SMIM41: variants seen among roughly 807,000 people sequenced by gnomAD.
SMIM41 encodes small integral membrane protein 41.
chr12:52,090,435 T>C (rs1345522575), intron 2 of SMIM41, among the ~76,000 whole-genome samples: 1 of 34,278 alleles, frequency 2.9e-5, no homozygotes, highest in South Asian at 1.1e-3. Context: ...ATAGAGAGAG[T>C]GGGGAGGGGG....
At chr12:52,094,197 ATTT>A (rs562390454) in intron 2 of SMIM41, among the ~76,000 whole-genome samples, 1 of 131,668 alleles carries the variant, frequency 7.6e-6, no homozygotes, top group Non-Finnish European at 1.6e-5. Context: ...GAAGTTTTTG[ATTT>A]TTTTTTTTTT....
chr12:52,087,209 G>A (rs996175595), intron 2 of SMIM41, among the ~76,000 whole-genome samples: 7 of 152,264 alleles, frequency 4.6e-5, no homozygotes, highest in African/African-American at 1.7e-4. Context: ...CCTCCACCCC[G>A]GTGCTGAGCC....
At position 52,107,714 on chromosome 12, in the gene SMIM41, G is replaced by A; in HGVS notation, c.*531G>A. On this transcript the variant is annotated 3_prime_UTR_variant, in exon 3 of 3. Transcript: ENST00000546390. Reference sequence around the variant, plus strand: ...GCCTATGACCGGTTTGTAGCCATCTGTCACCCTCTATATCATTCAGCCATC... The same window carrying A: ...GCCTATGACCGGTTTGTAGCCATCTATCACCCTCTATATCATTCAGCCATC... 1.2e-5 allele frequency: 6 copies of A among 481,824 alleles called. No homozygotes were observed. The Admixed American group carries it at 1.4e-4, about 11-fold the overall frequency. The allele number at this position is 481,824 out of a possible 1,614,324, so 29.8% of individuals were successfully genotyped here. A position where few individuals can be genotyped will look rare whatever the true frequency, so the allele number is the denominator to read the frequency against.
intron 2 of SMIM41, among the ~76,000 whole-genome samples, chr12:52,099,469 T>G (rs914954822): frequency 6.6e-6 from 1 of 151,858 alleles, no homozygotes; most frequent in African/African-American, 2.4e-5. Flanking sequence ...TTAGGAGCAA[T>G]ATCATCCTCT....
chr12:52,100,115 C>T (rs1018250227), intron 2 of SMIM41, among the ~76,000 whole-genome samples: 7 of 151,064 alleles, frequency 4.6e-5, no homozygotes, highest in Admixed American at 1.3e-4. Flanking sequence ...AAATATCAAG[C>T]GCGGGTATAC....
At chr12:52,100,762 C>T (rs1167364013) in intron 2 of SMIM41, among the ~76,000 whole-genome samples, 9 of 151,030 alleles carry the variant, frequency 6.0e-5, no homozygotes, top group Non-Finnish European at 1.0e-4. Flanking sequence ...CGTGAGTGAC[C>T]GCGCCCAGCC....
At position 52,106,559 on chromosome 12, in the gene SMIM41, G is replaced by A. The variant is rs1393573255; in HGVS notation, c.*196-820G>A. Among the ~76,000 whole-genome samples the A allele has an allele frequency of 2.0e-5, 3 of 152,144 alleles. No homozygotes were observed. In the East Asian group the frequency reaches 5.8e-4, roughly 29 times the overall value. ...GGGTTTCACCATGTTGGCCAGGATG[G>A]TCTTGATCTCATGACCTCGTGATCT... On this transcript the variant is annotated intron_variant, in intron 2 of 2. Coordinates refer to ENST00000546390, the MANE Select transcript of SMIM41 (RefSeq NM_001369216.1).
intron 2 of SMIM41, among the ~76,000 whole-genome samples, chr12:52,103,915 A>G (rs184198460): frequency 6.4e-4 from 97 of 152,340 alleles, no homozygotes; most frequent in African/African-American, 2.3e-3. Flanking sequence ...CCATTTTGAA[A>G]GATAAAACTG....
chr12:52,106,158 A>G (rs1298506475), intron 2 of SMIM41, among the ~76,000 whole-genome samples: 1 of 152,186 alleles, frequency 6.6e-6, no homozygotes, highest in African/African-American at 2.4e-5. Context: ...TCCTTATCTC[A>G]GTAAGTACTG....
chr12:52,105,478 C>T (rs1024571343), intron 2 of SMIM41, among the ~76,000 whole-genome samples: 3 of 152,194 alleles, frequency 2.0e-5, no homozygotes, highest in African/African-American at 7.2e-5. Flanking sequence ...TGAAGCTGGG[C>T]GCGGTGGCTC....
chr12:52,100,459 CT>C (rs560412492), intron 2 of SMIM41, among the ~76,000 whole-genome samples: 351 of 143,608 alleles, frequency 2.4e-3, no homozygotes, highest in Non-Finnish European at 2.5e-3. Flanking sequence ...TATTTTCTTT[CT>C]TTTTTTTTTT....
intron 2 of SMIM41, among the ~76,000 whole-genome samples, chr12:52,107,028 G>A (rs1432365646): frequency 6.6e-6 from 1 of 152,194 alleles, no homozygotes; most frequent in Non-Finnish European, 1.5e-5. Flanking sequence ...AAGATAGGCT[G>A]TATTTTCTAG....
At chr12:52,095,316 G>C (rs1940073341) in intron 2 of SMIM41, among the ~76,000 whole-genome samples, 1 of 151,328 alleles carries the variant, frequency 6.6e-6, no homozygotes, top group Admixed American at 6.6e-5. Flanking sequence ...CACATCGCAG[G>C]GGGGCGGGCG....
intron 2 of SMIM41, among the ~76,000 whole-genome samples, chr12:52,097,752 G>A (rs191031048): frequency 5.5e-4 from 83 of 152,086 alleles, no homozygotes; most frequent in African/African-American, 2.0e-3. Flanking sequence ...TACCAAAGCG[G>A]GGATGGACAC....
At chr12:52,099,874 T>C (rs1940180929) in intron 2 of SMIM41, among the ~76,000 whole-genome samples, 1 of 151,572 alleles carries the variant, frequency 6.6e-6, no homozygotes, top group Non-Finnish European at 1.5e-5. Context: ...CCTGAATATT[T>C]AGAAAAATAT....
At chr12:52,091,534 G>A (rs573705874) in intron 2 of SMIM41, among the ~76,000 whole-genome samples, 3 of 152,136 alleles carry the variant, frequency 2.0e-5, no homozygotes, top group East Asian at 1.9e-4. Context: ...CACTATATTC[G>A]CTGGGAACTT....
chr12:52,105,299 T>A (rs141864010), intron 2 of SMIM41, among the ~76,000 whole-genome samples: 6,999 of 152,248 alleles, frequency 0.046, 156 homozygotes, highest in African/African-American at 0.079. Flanking sequence ...TCGGGATGCA[T>A]CTCTCCCTTG....
At chr12:52,101,027 T>C (rs1239055372) in intron 2 of SMIM41, among the ~76,000 whole-genome samples, 1 of 152,094 alleles carries the variant, frequency 6.6e-6, no homozygotes, top group Admixed American at 6.6e-5. Flanking sequence ...TCCTCTCCAC[T>C]GCAGAAAAAA....
At chr12:52,094,590 C>A (rs1319958185) in intron 2 of SMIM41, 2 of 152,394 alleles carry the variant, frequency 1.3e-5, no homozygotes, top group African/African-American at 4.8e-5. Context: ...GCCTCTGTAC[C>A]CCCTGGGATG....
Sources: allele counts gnomAD v4.1 joint callset (sites outside exome capture counted in the v4.1 genomes callset), GRCh38; gene constraint gnomAD v4.1.1; transcripts MANE v1.5; gene names NCBI Gene and HGNC (gene_info 2026-07-23, HGNC 2026-07-21).